Variants in RDX observed in about 807,000 individuals in gnomAD.
RDX encodes the protein radixin, also known as deafness, autosomal recessive 24.
A neutral mutation model predicts 83.7 loss-of-function variants in RDX; 32 were observed. That is an observed-to-expected ratio of 0.38 (90% CI 0.29 to 0.51). The LOEUF (loss-of-function observed/expected upper bound fraction) is 0.51, where lower values mean the gene tolerates loss of function less well. RDX is among the 20% of genes least tolerant of loss of function. The pLI, the probability that RDX is intolerant of heterozygous loss-of-function variation, is 0.87. For synonymous variants in RDX, 229 were observed against 222.7 expected, an observed-to-expected ratio of 1.03 and a Z score of -0.25; for missense variants, 600 against 689.9, an observed-to-expected ratio of 0.87 and a Z score of 1.46.
chr11:110,266,666 G>A (rs1377299583), intron 3 of RDX, among the ~76,000 whole-genome samples: 3 of 151,926 alleles, frequency 2.0e-5, no homozygotes, highest in Admixed American at 2.0e-4. Flanking sequence ...CTCCTGGGCT[G>A]AAGCAATCCT....
chr11:110,234,680 AG>A (rs1320021844), intron 12 of RDX, among the ~76,000 whole-genome samples: 1 of 152,206 alleles, frequency 6.6e-6, no homozygotes, highest in Non-Finnish European at 1.5e-5. Flanking sequence ...CATCCCTAAA[AG>A]GGATCTAAAA....
At chr11:110,181,228 A>T (rs4754427) in intron 15 of RDX, among the ~76,000 whole-genome samples, 89,748 of 150,298 alleles carry the variant, frequency 0.6, 27,688 homozygotes, top group African/African-American at 0.76. Context: ...AATGGAGCGA[A>T]CTCGACTCAC....
chr11:110,220,567 C>T (rs755089469), intron 14 of RDX, among the ~76,000 whole-genome samples: 14 of 152,104 alleles, frequency 9.2e-5, no homozygotes, highest in South Asian at 4.2e-4. Context: ...AAACTGCACT[C>T]GGCTCACTGC....
At chr11:110,195,606 A>ATAATTGTATGTATAT (rs1863188997) in intron 15 of RDX, 1 of 152,244 alleles carries the variant, frequency 6.6e-6, no homozygotes, top group Non-Finnish European at 1.5e-5. Context: ...CAATTATACA[A>ATAATTGTATGTATAT]ACAGCCCAGA....
intron 15 of RDX, among the ~76,000 whole-genome samples, chr11:110,195,122 C>A (rs1863177319): frequency 6.6e-6 from 1 of 152,174 alleles, no homozygotes; most frequent in South Asian, 2.1e-4. Context: ...TCCCGAGTAG[C>A]TGGGATTACA....
chr11:110,233,107 A>C (rs972631252), intron 13 of RDX, 130 bp downstream of exon 13: 8 of 1,124,968 alleles, frequency 7.1e-6, no homozygotes, highest in Non-Finnish European at 9.3e-6. Context: ...ACTATAGGCC[A>C]AACACCCACA....
At chr11:110,220,570 C>T (rs547531346) in intron 14 of RDX, among the ~76,000 whole-genome samples, 29 of 152,282 alleles carry the variant, frequency 1.9e-4, no homozygotes, top group African/African-American at 7.0e-4. Context: ...CTGCACTCGG[C>T]TCACTGCAAC....
chr11:110,259,644 TGA>T (rs1859722122), intron 5 of RDX, among the ~76,000 whole-genome samples: 1 of 152,180 alleles, frequency 6.6e-6, no homozygotes. Flanking sequence ...ATCTTCCTTC[TGA>T]GAGAGCTTAG....
downstream of RDX, among the ~76,000 whole-genome samples, chr11:110,226,863 A>G (rs1304674919): frequency 6.6e-6 from 1 of 152,206 alleles, no homozygotes; most frequent in Non-Finnish European, 1.5e-5. Context: ...GTAATTTATC[A>G]GAAAACAAGC....
At position 110,231,851 on chromosome 11, in the gene RDX, T is replaced by G. The variant is rs1313480998; in HGVS notation, c.*18A>C. On this transcript the variant is annotated 3_prime_UTR_variant, in exon 14 of 14. Coordinates refer to ENST00000645495, the MANE Select transcript of RDX (RefSeq NM_002906.4). Reference sequence around the variant, plus strand: ...GGTGGTTCAGCTTATGAAGAACATATATGCAAAATAACAGCTCTCACATTG... The same window carrying G: ...GGTGGTTCAGCTTATGAAGAACATAGATGCAAAATAACAGCTCTCACATTG... 1 of 1,611,630 alleles carries G rather than the reference T, an allele frequency of 6.2e-7. No homozygotes were observed. Among genetic ancestry groups the G allele is most frequent in the African/African-American group, 1.3e-5 (1 of 74,840 alleles).
rs1224961362 is a variant in RDX at position 110,231,038 on chromosome 11, A to T, written c.*831T>A. ...CATTTGTTTTTCTAAATCAGTCTAT[A>T]AAAGAACAAAACTTTTAAAATCTTG... On this transcript the variant is annotated 3_prime_UTR_variant, in exon 14 of 14. Transcript: ENST00000645495. The T allele has an allele frequency of 1.3e-5, 2 of 152,598 alleles. No homozygotes were observed. Among genetic ancestry groups the T allele is most frequent in the Non-Finnish European group, 2.9e-5 (2 of 68,020 alleles). The allele number at this position is 152,598 out of a possible 1,614,324, so 9.5% of individuals were successfully genotyped here.
intron 15 of RDX, chr11:110,179,895 T>A (rs1862848161): frequency 2.5e-6 from 1 of 397,152 alleles, no homozygotes; most frequent in Non-Finnish European, 4.7e-6. Flanking sequence ...TTTTTCTTTT[T>A]CTTTTTTCTT....
intron 14 of RDX, among the ~76,000 whole-genome samples, chr11:110,201,901 TTTTGTG>T (rs1863419152): frequency 8.7e-6 from 1 of 115,544 alleles, no homozygotes; most frequent in Non-Finnish European, 1.8e-5. Flanking sequence ...ATCCGGCTAA[TTTTGTG>T]TGTGTGTGTG....
chr11:110,293,757 A>T (rs542883704), intron 1 of RDX, among the ~76,000 whole-genome samples: 46 of 152,322 alleles, frequency 3.0e-4, no homozygotes, highest in African/African-American at 1.1e-3. Context: ...GACTTCCCCG[A>T]TGCACAGAAG....
intron 14 of RDX, chr11:110,199,787 T>A: frequency 1.4e-6 from 1 of 693,592 alleles, no homozygotes; most frequent in Non-Finnish European, 2.6e-6. Flanking sequence ...ATCAGGGCGC[T>A]CTTGTCAGCC....
chr11:110,246,496 C>T (rs928352887), intron 10 of RDX, among the ~76,000 whole-genome samples: 3 of 151,730 alleles, frequency 2.0e-5, no homozygotes, highest in African/African-American at 4.8e-5. Context: ...TGCCCAGGGC[C>T]GGGCATGGTG....
At chr11:110,267,727 G>A (rs969738732) in intron 3 of RDX, among the ~76,000 whole-genome samples, 6 of 151,924 alleles carry the variant, frequency 3.9e-5, no homozygotes, top group Non-Finnish European at 7.4e-5. Flanking sequence ...ACTTTAGGAG[G>A]CCAAGGCAGG....
intron 10 of RDX, among the ~76,000 whole-genome samples, chr11:110,245,933 G>T (rs1001084619): frequency 2.0e-5 from 3 of 152,134 alleles, no homozygotes; most frequent in African/African-American, 7.2e-5. Flanking sequence ...TGCAGGTCTG[G>T]TGCTATATAT....
At chr11:110,219,734 G>A (rs1456764186) in intron 14 of RDX, among the ~76,000 whole-genome samples, 2 of 152,212 alleles carry the variant, frequency 1.3e-5, no homozygotes, top group African/African-American at 4.8e-5. Flanking sequence ...TGAGGCAGGA[G>A]CAAGTTTAAG....
Sources: allele counts gnomAD v4.1 joint callset (sites outside exome capture counted in the v4.1 genomes callset), GRCh38; gene constraint gnomAD v4.1.1; transcripts MANE v1.5; gene names NCBI Gene and HGNC (gene_info 2026-07-23, HGNC 2026-07-21).